ADAM12: variants seen among roughly 807,000 people sequenced by gnomAD.
ADAM12 encodes ADAM metallopeptidase domain 12, also known as disintegrin and metalloproteinase domain-containing protein 12.
ADAM12 carries 70 observed loss-of-function variants against 106.4 expected under a neutral mutation model. The observed-to-expected ratio is 0.66, with a 90% CI of 0.54 to 0.80. The LOEUF (loss-of-function observed/expected upper bound fraction) is 0.80. Ranked by LOEUF, ADAM12 falls within the 30% of genes least tolerant of loss-of-function variation. ADAM12 has a pLI of 0.00. For missense variants in ADAM12, 1,010 were observed against 1,171.9 expected (o/e 0.86, Z 2.02); for synonymous variants, 420 against 433.5 (o/e 0.97, Z 0.39).
chr10:126,351,285 T>C (rs1855348129), intron 1 of ADAM12, among the ~76,000 whole-genome samples: 1 of 152,058 alleles, frequency 6.6e-6, no homozygotes, highest in African/African-American at 2.4e-5. Context: ...GTGTCCTGGT[T>C]GTGACTGGCT....
At chr10:126,368,663 T>TG (rs1409098767) in intron 1 of ADAM12, among the ~76,000 whole-genome samples, 4 of 151,940 alleles carry the variant, frequency 2.6e-5, no homozygotes, top group Admixed American at 6.6e-5. Flanking sequence ...GTTGTTGTTT[T>TG]TTTTTGCCTT....
At chr10:126,149,017 G>C (rs1458433636) in intron 4 of ADAM12, among the ~76,000 whole-genome samples, 1 of 152,196 alleles carries the variant, frequency 6.6e-6, no homozygotes, top group East Asian at 1.9e-4. Flanking sequence ...CCAGTTAGCA[G>C]GGACCAGGGA....
intron 1 of ADAM12, among the ~76,000 whole-genome samples, chr10:126,339,023 A>G (rs891267918): frequency 6.6e-6 from 1 of 152,172 alleles, no homozygotes; most frequent in African/African-American, 2.4e-5. Context: ...ACCTTCTGCC[A>G]AAATACACAC....
intron 2 of ADAM12, among the ~76,000 whole-genome samples, chr10:126,315,507 T>C (rs1172517610): frequency 6.6e-6 from 1 of 152,122 alleles, no homozygotes; most frequent in East Asian, 1.9e-4. Flanking sequence ...AACTGAAGTA[T>C]GTGGCATAAA....
chr10:126,102,216 C>T (rs371574905), intron 8 of ADAM12, among the ~76,000 whole-genome samples: 7 of 152,234 alleles, frequency 4.6e-5, no homozygotes, highest in South Asian at 2.1e-4. Context: ...GCTTTGTACT[C>T]ATGGTTGAGG....
At chr10:126,166,535 A>C (rs1219901362) in intron 3 of ADAM12, among the ~76,000 whole-genome samples, 1 of 151,368 alleles carries the variant, frequency 6.6e-6, no homozygotes, top group Non-Finnish European at 1.5e-5. Context: ...GTCTCGTTTT[A>C]TCACCAGGCT....
chr10:126,159,275 A>C (rs764976441), intron 3 of ADAM12, among the ~76,000 whole-genome samples: 1 of 128,366 alleles, frequency 7.8e-6, no homozygotes, highest in East Asian at 2.3e-4. Context: ...ATGCCACTGC[A>C]CTCCAGCCTG....
intron 3 of ADAM12, among the ~76,000 whole-genome samples, chr10:126,193,960 C>A (rs944526770): frequency 2.8e-5 from 4 of 141,624 alleles, no homozygotes; most frequent in African/African-American, 1.2e-4. Context: ...GTGAGAGAGG[C>A]CTGATATGAG....
At chr10:126,140,892 T>TG (rs1253523039) in intron 4 of ADAM12, among the ~76,000 whole-genome samples, 2 of 151,646 alleles carry the variant, frequency 1.3e-5, no homozygotes, top group Non-Finnish European at 2.9e-5. Flanking sequence ...CCCCTGGGGG[T>TG]GGGGGGTGAC....
At chr10:126,257,651 A>T (rs545896003) in intron 3 of ADAM12, among the ~76,000 whole-genome samples, 3 of 152,366 alleles carry the variant, frequency 2.0e-5, no homozygotes, top group African/African-American at 7.2e-5. Context: ...CATCGCAGAT[A>T]AAATACTACA....
chr10:126,234,821 C>G (rs1305908897), intron 3 of ADAM12, among the ~76,000 whole-genome samples: 2 of 152,162 alleles, frequency 1.3e-5, no homozygotes, highest in South Asian at 4.1e-4. Flanking sequence ...CAGGCAATAA[C>G]CAAGGAAAGC....
chr10:126,281,863 A>G (rs147349893), intron 2 of ADAM12, among the ~76,000 whole-genome samples: 235 of 152,360 alleles, frequency 1.5e-3, no homozygotes, highest in African/African-American at 5.0e-3. Flanking sequence ...TTGCTGCTCT[A>G]TTATTTTAAT....
rs143082824 is a variant in ADAM12 at position 126,036,406 on chromosome 10, T to C, written c.2350-81A>G. On this transcript the variant is annotated intron_variant, in intron 20 of 22. Transcript: ENST00000448723. ...TCCTTAAGGAAAAAGCAGTGCTAAC[T>C]CATCTGTTATAGCTGAAGGCCAAGG... 325 of 1,437,370 alleles carry C rather than the reference T, an allele frequency of 2.3e-4. 1 individual carries two copies. The South Asian group carries it at 2.7e-3, about 12-fold the overall frequency. The allele number at this position is 1,437,370 out of a possible 1,614,324, so 89.0% of individuals were successfully genotyped here.
intron 5 of ADAM12, among the ~76,000 whole-genome samples, chr10:126,132,187 A>G (rs563551673): frequency 1.8e-4 from 27 of 152,130 alleles, no homozygotes; most frequent in African/African-American, 5.5e-4. Context: ...GTTGGCCAGA[A>G]TGGTCTCGAT....
intron 11 of ADAM12, among the ~76,000 whole-genome samples, chr10:126,078,094 C>T (rs1955138159): frequency 6.6e-6 from 1 of 152,318 alleles, no homozygotes; most frequent in African/African-American, 2.4e-5. Flanking sequence ...TCCTAAGTAG[C>T]CACTGGTTAC....
intron 3 of ADAM12, among the ~76,000 whole-genome samples, chr10:126,238,002 G>A (rs1331500691): frequency 2.6e-5 from 4 of 152,212 alleles, no homozygotes; most frequent in African/African-American, 4.8e-5. Context: ...TTGGCCCTGC[G>A]ATGGTACGGA....
intron 1 of ADAM12, among the ~76,000 whole-genome samples, chr10:126,331,622 C>G (rs1162676726): frequency 7.9e-5 from 12 of 152,302 alleles, no homozygotes; most frequent in African/African-American, 2.9e-4. Flanking sequence ...GTTTAAAACT[C>G]TCAGGTGTTG....
rs1189477514 is a variant in ADAM12, at chr10:126,039,025, TCG to T, written c.2240+267_2240+268del. Among the ~76,000 whole-genome samples the T allele has an allele frequency of 6.9e-4, 97 of 139,628 alleles. 1 individual carries two copies. The highest frequency in any genetic ancestry group is 3.0e-5 in the Non-Finnish European group (2 of 66,142). 91.6% of individuals were successfully genotyped at this position (139,628 alleles called of 152,430 possible). On this transcript the variant is annotated intron_variant, in intron 19 of 22. Transcript: ENST00000448723. ...CCCAGGCTGGAGTGCAGTGGAGTGA[TCG>T]CAACTCACTGCAAGCTCCGCCTCCC...
At chr10:126,266,228 A>G (rs1959094055) in intron 3 of ADAM12, among the ~76,000 whole-genome samples, 1 of 152,162 alleles carries the variant, frequency 6.6e-6, no homozygotes, top group Non-Finnish European at 1.5e-5. Flanking sequence ...CACACAGGTG[A>G]CTTGGGGGCC....
Sources: allele counts gnomAD v4.1 joint callset (sites outside exome capture counted in the v4.1 genomes callset), GRCh38; gene constraint gnomAD v4.1.1; transcripts MANE v1.5; gene names NCBI Gene and HGNC (gene_info 2026-07-23, HGNC 2026-07-21).